KCNN2: variants seen among roughly 807,000 people sequenced by gnomAD.
KCNN2 encodes potassium calcium-activated channel subfamily N member 2.
A neutral mutation model predicts 55.5 loss-of-function variants in KCNN2; 24 were observed. The observed-to-expected ratio is 0.43, with a 90% confidence interval of 0.31 to 0.61. The LOEUF (loss-of-function observed/expected upper bound fraction) is 0.61, where lower values mean the gene tolerates loss of function less well. KCNN2 is among the 20% of genes least tolerant of loss of function. The pLI, the probability that KCNN2 is intolerant of heterozygous loss-of-function variation, is 0.08. For synonymous variants in KCNN2, 431 were observed against 336.1 expected, an observed-to-expected ratio of 1.28 and a Z score of -3.09; for missense variants, 754 against 853.6, an observed-to-expected ratio of 0.88 and a Z score of 1.45.
chr5:114,486,290 G>A (rs1375794846), intron 5 of KCNN2, among the ~76,000 whole-genome samples: 1 of 152,156 alleles, frequency 6.6e-6, no homozygotes, highest in African/African-American at 2.4e-5. Context: ...TGTGAGCAAG[G>A]AAGAAGACAG....
chr5:114,421,095 C>T (rs548815376), intron 3 of KCNN2, among the ~76,000 whole-genome samples: 237 of 151,920 alleles, frequency 1.6e-3, no homozygotes, highest in Non-Finnish European at 1.9e-3. Context: ...AGCTACTTTT[C>T]GATCTATTTT....
intron 3 of KCNN2, among the ~76,000 whole-genome samples, chr5:114,409,096 G>T (rs1038930763): frequency 3.3e-5 from 5 of 152,184 alleles, no homozygotes; most frequent in Non-Finnish European, 7.3e-5. Context: ...TTTAGGGGCT[G>T]AGTGACCTCA....
intron 2 of KCNN2, among the ~76,000 whole-genome samples, chr5:114,293,106 T>C (rs947161788): frequency 5.3e-5 from 8 of 152,064 alleles, no homozygotes; most frequent in South Asian, 2.1e-4. Flanking sequence ...GACAATGGGG[T>C]TTTCTAGATA....
In KCNN2 at chr5:114,159,212, A is replaced by G. The variant is rs892778009; in HGVS notation, c.-270-62268A>G. ...AATTTATTGAGAGTTTTTAGCATGA[A>G]GGGTTGTTGAATTTTGTCAAAGGCC... On this transcript the variant is annotated intron_variant, in intron 1 of 10. Coordinates refer to the KCNN2 transcript ENST00000512097. 2.0e-4 allele frequency among the ~76,000 whole-genome samples: 31 copies of G among 152,272 alleles called. No homozygotes were observed. The South Asian group carries it at 5.2e-3, about 25-fold the overall frequency.
intron 2 of KCNN2, among the ~76,000 whole-genome samples, chr5:114,308,464 T>C (rs188785651): frequency 1.7e-4 from 26 of 152,360 alleles, no homozygotes; most frequent in Admixed American, 9.8e-4. Context: ...AGGTGACTGA[T>C]GCTTGATCCT....
intron 1 of KCNN2, among the ~76,000 whole-genome samples, chr5:114,178,319 A>G (rs958739426): frequency 2.6e-5 from 4 of 152,174 alleles, no homozygotes; most frequent in Admixed American, 2.6e-4. Context: ...GTTCCTTTCC[A>G]CTTTGATCTG....
rs1751601144 is a variant in KCNN2, at chr5:114,111,679, A to T, written c.-271+55179A>T. 2.0e-5 allele frequency among the ~76,000 whole-genome samples: 3 copies of T among 152,202 alleles called. No individual in the cohort carries two copies. The South Asian group carries it at 6.2e-4, about 31-fold the overall frequency. ...AAAAGTGGGCAAAGGATATGAACAG[A>T]CACTTTTCAAAAGAAGATATTTATG... On this transcript the variant is annotated intron_variant, in intron 1 of 10. Transcript: ENST00000512097.
At chr5:114,453,720 T>G (rs747461087) in intron 3 of KCNN2, among the ~76,000 whole-genome samples, 1 of 152,216 alleles carries the variant, frequency 6.6e-6, no homozygotes, top group Non-Finnish European at 1.5e-5. Context: ...GAAATTTCTG[T>G]CAACTTACAT....
In KCNN2 at chr5:114,362,472, C is replaced by T. The variant is rs1313241819; in HGVS notation, c.333C>T (p.Ser111=). 1 of 317,232 alleles carries T rather than the reference C, an allele frequency of 3.2e-6. No homozygotes were observed. Among genetic ancestry groups the T allele is most frequent in the Non-Finnish European group, 5.8e-6 (1 of 173,622 alleles). 19.7% of individuals were successfully genotyped at this position (317,232 alleles called of 1,614,324 possible). ...TRTSSPLSGS[S]CCCCCCSSRR... ...CCTCCTCGCCGCTGTCGGGCTCGTC[C>T]TGCTGCTGCTGCTGCTGCTCGTCGC... The change falls in exon 1 of 8, where the codon TCC becomes TCT. Residue 111 remains serine, a synonymous_variant. Coordinates refer to ENST00000673685, the MANE Select transcript of KCNN2 (RefSeq NM_021614.4).
intron 2 of KCNN2, among the ~76,000 whole-genome samples, chr5:114,260,356 C>T (rs1011818860): frequency 3.2e-4 from 48 of 152,328 alleles, no homozygotes; most frequent in African/African-American, 1.2e-3. Flanking sequence ...TTAAATTGCT[C>T]TATACCTCAG....
At chr5:114,269,486 G>T (rs1344979125) in intron 2 of KCNN2, among the ~76,000 whole-genome samples, 2 of 129,476 alleles carry the variant, frequency 1.5e-5, no homozygotes, top group Non-Finnish European at 3.3e-5. Context: ...TCTCCCAGTG[G>T]TTCTCACCTT....
rs553433069 is a variant in KCNN2 at position 114,324,068 on chromosome 5, TCA to T, written c.-184-36874_-184-36873del. The stretch of plus-strand genomic sequence containing the variant: ...TAGAATCTAACAGACTAACAGGTAT[TCA>T]CAGAGTATGAGCTAAAAAGCAATAC... On this transcript the variant is annotated intron_variant, in intron 2 of 10. Coordinates refer to the KCNN2 transcript ENST00000512097. Among the ~76,000 whole-genome samples, 663 of 152,328 alleles carry T rather than the reference TCA, an allele frequency of 4.4e-3. 6 individuals carry two copies. Among genetic ancestry groups the T allele is most frequent in the African/African-American group, 0.014 (594 of 41,572 alleles).
At chr5:114,360,303 C>A (rs942982595), upstream of KCNN2, among the ~76,000 whole-genome samples, 1 of 152,044 alleles carries the variant, frequency 6.6e-6, no homozygotes, top group African/African-American at 2.4e-5. Flanking sequence ...AGCGCACACA[C>A]GCACACTCTG....
intron 1 of KCNN2, among the ~76,000 whole-genome samples, chr5:114,094,884 T>C (rs1751224737): frequency 6.6e-6 from 1 of 152,162 alleles, no homozygotes; most frequent in South Asian, 2.1e-4. Flanking sequence ...CTCAATGCTT[T>C]CTTATAATTC....
At chr5:114,085,136 A>G (rs1274698875) in intron 1 of KCNN2, among the ~76,000 whole-genome samples, 1 of 151,822 alleles carries the variant, frequency 6.6e-6, no homozygotes, top group Admixed American at 6.6e-5. Flanking sequence ...TAAGTTTTGA[A>G]GTCAGATAGT....
intron 3 of KCNN2, among the ~76,000 whole-genome samples, chr5:114,414,456 G>T (rs1019593887): frequency 6.6e-6 from 1 of 152,106 alleles, no homozygotes. Context: ...CTGTTTCTCC[G>T]CTGCTTGCTG....
intron 2 of KCNN2, among the ~76,000 whole-genome samples, chr5:114,249,154 C>G (rs2112624346): frequency 6.6e-6 from 1 of 152,132 alleles, no homozygotes. Context: ...CTAAGTTCTG[C>G]TGATGATTCA....
intron 2 of KCNN2, among the ~76,000 whole-genome samples, chr5:114,365,708 G>A (rs1445107473): frequency 6.6e-6 from 1 of 152,156 alleles, no homozygotes; most frequent in African/African-American, 2.4e-5. Context: ...AAATCCAAAA[G>A]TTTGGTATAT....
At chr5:114,325,672 T>G (rs551412363) in intron 2 of KCNN2, among the ~76,000 whole-genome samples, 1 of 152,272 alleles carries the variant, frequency 6.6e-6, no homozygotes, top group South Asian at 2.1e-4. Context: ...TGGAGTAAAC[T>G]CCTATGACAT....
Sources: gnomAD v4.1 joint callset for allele counts (sites outside exome capture counted in the v4.1 genomes callset) on GRCh38, gnomAD v4.1.1 for gene constraint, MANE v1.5 for transcripts, NCBI Gene and HGNC (gene_info 2026-07-23, HGNC 2026-07-21) for gene names.